DGKI: variants seen among roughly 807,000 people sequenced by gnomAD.
The protein encoded by DGKI is diacylglycerol kinase iota.
A neutral mutation model predicts 147.5 loss-of-function variants in DGKI; 55 were observed. The observed-to-expected ratio is 0.37, with a 90% CI of 0.30 to 0.47. The LOEUF (loss-of-function observed/expected upper bound fraction) is 0.47, where lower values mean the gene tolerates loss of function less well. Among genes scored for constraint, DGKI ranks in the 20% least tolerant of loss-of-function variants. DGKI has a pLI of 1.00. For missense variants in DGKI, 1,007 were observed against 1,323.8 expected, an observed-to-expected ratio of 0.76 and a Z score of 3.71; for synonymous variants, 469 against 477.1, an observed-to-expected ratio of 0.98 and a Z score of 0.22.
chr7:137,651,032 A>C (rs1294818447), intron 5 of DGKI, among the ~76,000 whole-genome samples: 1 of 152,248 alleles, frequency 6.6e-6, no homozygotes, highest in Non-Finnish European at 1.5e-5. Context: ...TTTCATGCCA[A>C]GACAGAGGGT....
In DGKI at chr7:137,588,584, C is replaced by A. The variant is rs559396100; in HGVS notation, c.1312-1374G>T. On this transcript the variant is annotated intron_variant, in intron 12 of 32. Transcript: ENST00000614521. ...CTCCACCTCCTGGGTTCACGCCATT[C>A]TCCTGCCTCAGCCTCCCAAGTAGCC... Among the ~76,000 whole-genome samples the A allele has an allele frequency of 4.0e-5, 6 of 150,292 alleles. No individual in the cohort carries two copies. In the South Asian group the frequency reaches 1.1e-3, roughly 27 times the overall value.
At chr7:137,489,157 C>T (rs1406501349) in intron 21 of DGKI, among the ~76,000 whole-genome samples, 2 of 152,096 alleles carry the variant, frequency 1.3e-5, no homozygotes, top group African/African-American at 4.8e-5. Context: ...CTATGGAAGC[C>T]TGTGAGTGAG....
rs777921104 is a variant in DGKI, at chr7:137,689,993, G to A, written c.411C>T (p.Ile137=). The A allele has an allele frequency of 6.3e-7, 1 of 1,599,292 alleles. No homozygotes were observed. Among genetic ancestry groups the A allele is most frequent in the East Asian group, 2.3e-5 (1 of 44,266 alleles). The change falls in exon 2 of 33, where the codon ATC becomes ATT. Residue 137 remains isoleucine, a synonymous_variant. Transcript: ENST00000614521. ...CCAGATGCTGGAGGCCTGCCCGGGA[G>A]ATTGCTTTCCTGCAGCAAGAAGAAA... The part of the protein sequence containing the change: ...FRKQVSYRKA[I]SRAGLQHLAP...
chr7:137,745,214 C>T (rs17169427), intron 1 of DGKI, among the ~76,000 whole-genome samples: 25,740 of 152,120 alleles, frequency 0.17, 3,264 homozygotes, highest in African/African-American at 0.34. Context: ...ACAAACTAGC[C>T]GGTGTTATGG....
intron 14 of DGKI, among the ~76,000 whole-genome samples, chr7:137,584,451 G>C (rs536999922): frequency 6.6e-6 from 1 of 152,216 alleles, no homozygotes; most frequent in African/African-American, 2.4e-5. Context: ...TATATCCCTT[G>C]GTTTGCTTTT....
intron 6 of DGKI, among the ~76,000 whole-genome samples, chr7:137,632,562 T>G (rs1301091984): frequency 6.6e-6 from 1 of 152,046 alleles, no homozygotes. Flanking sequence ...GGTCCCCTAT[T>G]AAAATAAAGA....
At chr7:137,672,752 G>GTA (rs140067278) in intron 3 of DGKI, among the ~76,000 whole-genome samples, 6,130 of 135,604 alleles carry the variant, frequency 0.045, 203 homozygotes, top group Middle Eastern at 0.097. Context: ...CTCTGTGTGT[G>GTA]TGTCTCTGTG....
intron 29 of DGKI, among the ~76,000 whole-genome samples, chr7:137,411,512 T>C (rs527461133): frequency 1.2e-4 from 19 of 152,252 alleles, no homozygotes; most frequent in African/African-American, 4.1e-4. Flanking sequence ...GTAATATTAC[T>C]CCATTTTACT....
rs1563126057 is a variant in DGKI, at chr7:137,638,640, A to ACACACATATATGTATGTGTATG, written c.804+6831_804+6832insCATACACATACATATATGTGTG. On this transcript the variant is annotated intron_variant, in intron 6 of 32. Coordinates refer to ENST00000614521, the MANE Select transcript of DGKI (RefSeq NM_001321708.2). ...CACACACATATATATGTGTGTATAT[A>ACACACATATATGTATGTGTATG]TGTGTATGTATATACACACATATGT... Among the ~76,000 whole-genome samples, 167 of 40,292 alleles carry ACACACATATATGTATGTGTATG rather than the reference A, an allele frequency of 4.1e-3. 38 individuals carry two copies. The highest frequency in any genetic ancestry group is 0.023 in the African/African-American group (159 of 7,020). 26.4% of individuals were successfully genotyped at this position (40,292 alleles called of 152,430 possible).
intron 1 of DGKI, among the ~76,000 whole-genome samples, chr7:137,725,689 C>T (rs1325567023): frequency 6.6e-6 from 1 of 151,980 alleles, no homozygotes; most frequent in Non-Finnish European, 1.5e-5. Context: ...GGTGGGAAAC[C>T]CAGGTGACTT....
At chr7:137,623,349 C>A in intron 7 of DGKI, 134 bp downstream of exon 7, 1 of 801,008 alleles carries the variant, frequency 1.2e-6, no homozygotes, top group East Asian at 2.5e-5. Context: ...TTTCTTCCTC[C>A]AAGGATCCTA....
chr7:137,588,535 G>A (rs545711597), intron 12 of DGKI, among the ~76,000 whole-genome samples: 18 of 147,742 alleles, frequency 1.2e-4, no homozygotes, highest in African/African-American at 3.8e-4. Flanking sequence ...GGAGTGCAGC[G>A]GCAAGATCTC....
At chr7:137,691,611 C>A (rs1331559434) in intron 1 of DGKI, among the ~76,000 whole-genome samples, 2 of 152,142 alleles carry the variant, frequency 1.3e-5, no homozygotes, top group African/African-American at 4.8e-5. Flanking sequence ...GGCAGGTAAT[C>A]TTTTCATCCT....
intron 5 of DGKI, 118 bp downstream of exon 5, chr7:137,654,614 T>A: frequency 1.3e-6 from 1 of 755,528 alleles, no homozygotes; most frequent in Non-Finnish European, 2.3e-6. Flanking sequence ...TAACAAAAAA[T>A]TGGCATGCAA....
chr7:137,814,897 A>C lies in DGKI; in HGVS notation c.401+31565T>G, dbSNP rs142955400. 8.6e-4 allele frequency among the ~76,000 whole-genome samples: 131 copies of C among 152,312 alleles called. No individual in the cohort carries two copies. In the East Asian group the frequency reaches 0.023, roughly 27 times the overall value. Reference sequence around the variant, plus strand: ...CAAAAAGGCAGATGAACTAAAAGAAAATACACTCCTTCAGCAGCAATTCCT... The same window carrying C: ...CAAAAAGGCAGATGAACTAAAAGAACATACACTCCTTCAGCAGCAATTCCT... On this transcript the variant is annotated intron_variant, in intron 1 of 32. Coordinates refer to ENST00000614521, the MANE Select transcript of DGKI (RefSeq NM_001321708.2).
chr7:137,795,802 T>C (rs1294817965), intron 1 of DGKI, among the ~76,000 whole-genome samples: 1 of 152,092 alleles, frequency 6.6e-6, no homozygotes, highest in Non-Finnish European at 1.5e-5. Context: ...CTCACACATA[T>C]AGATCACAAA....
At chr7:137,822,332 A>G (rs1797929614) in intron 1 of DGKI, among the ~76,000 whole-genome samples, 4 of 152,102 alleles carry the variant, frequency 2.6e-5, no homozygotes. Flanking sequence ...ACTTGAACCC[A>G]GGAGGTGAAG....
chr7:137,600,331 A>C (rs1819945505), intron 10 of DGKI, among the ~76,000 whole-genome samples: 1 of 152,334 alleles, frequency 6.6e-6, no homozygotes, highest in East Asian at 1.9e-4. Flanking sequence ...AGAGTAGTTA[A>C]AATCACGGGC....
intron 20 of DGKI, among the ~76,000 whole-genome samples, chr7:137,522,930 T>A (rs945745248): frequency 6.6e-6 from 1 of 152,142 alleles, no homozygotes; most frequent in South Asian, 2.1e-4. Flanking sequence ...GGCTTCTCTT[T>A]TTTTTTATAT....
Sources: gnomAD v4.1 joint callset for allele counts (sites outside exome capture counted in the v4.1 genomes callset) on GRCh38, gnomAD v4.1.1 for gene constraint, MANE v1.5 for transcripts, NCBI Gene and HGNC (gene_info 2026-07-23, HGNC 2026-07-21) for gene names.